The following ANAPC1 variants were observed in gnomAD, a reference collection of about 807,000 sequenced individuals.
ANAPC1 encodes the protein anaphase-promoting complex subunit 1.
In ANAPC1, 36 loss-of-function variants were observed where a neutral mutation model predicts 208.0. That is an observed-to-expected ratio of 0.17 (90% CI 0.13 to 0.23). ANAPC1 has a LOEUF of 0.23. Ranked by LOEUF, ANAPC1 falls within the 10% of genes least tolerant of loss-of-function variation. ANAPC1 has a pLI of 1.00. For missense variants in ANAPC1, 942 were observed against 2,011.6 expected, an observed-to-expected ratio of 0.47 and a Z score of 10.17; for synonymous variants, 378 against 695.2, an observed-to-expected ratio of 0.54 and a Z score of 7.18.
At chr2:111,852,147 C>T (rs1402680374) in intron 13 of ANAPC1, among the ~76,000 whole-genome samples, 2 of 149,272 alleles carry the variant, frequency 1.3e-5, no homozygotes, top group Non-Finnish European at 1.5e-5. Flanking sequence ...CCATGCTATT[C>T]CCTCATTAAT....
At chr2:111,804,380 T>C (rs1430212097) in intron 30 of ANAPC1, among the ~76,000 whole-genome samples, 1 of 101,812 alleles carries the variant, frequency 9.8e-6, no homozygotes, top group African/African-American at 3.8e-5. Context: ...GGGCTATATA[T>C]AAAACACGGC....
chr2:111,853,303 G>C (rs1310568076), intron 13 of ANAPC1, among the ~76,000 whole-genome samples: 1 of 152,182 alleles, frequency 6.6e-6, no homozygotes, highest in East Asian at 1.9e-4. Flanking sequence ...GCTAGTCTCT[G>C]TTATTTGTGT....
chr2:111,840,268 G>T (rs1157417907), intron 17 of ANAPC1, among the ~76,000 whole-genome samples: 1 of 152,056 alleles, frequency 6.6e-6, no homozygotes, highest in Non-Finnish European at 1.5e-5. Flanking sequence ...CATTACATAT[G>T]TGAAAACAAA....
intron 13 of ANAPC1, among the ~76,000 whole-genome samples, chr2:111,854,048 TCA>T (rs1191889985): frequency 6.6e-6 from 1 of 152,134 alleles, no homozygotes; most frequent in African/African-American, 2.4e-5. Context: ...GCCAGATCTC[TCA>T]GAGGAATCAC....
chr2:111,879,319 G>A (rs923176002), intron 2 of ANAPC1, among the ~76,000 whole-genome samples: 4 of 152,212 alleles, frequency 2.6e-5, no homozygotes, highest in African/African-American at 9.7e-5. Flanking sequence ...GGTAGGGAAA[G>A]GACAGTGAGG....
intron 46 of ANAPC1, among the ~76,000 whole-genome samples, chr2:111,773,114 C>T (rs1435910663): frequency 6.6e-6 from 1 of 152,254 alleles, no homozygotes; most frequent in Admixed American, 6.5e-5. Context: ...ACAGGCAGAC[C>T]CAGGCCATTT....
At chr2:111,860,929 T>C (rs1237651035) in intron 10 of ANAPC1, among the ~76,000 whole-genome samples, 1 of 152,150 alleles carries the variant, frequency 6.6e-6, no homozygotes, top group Non-Finnish European at 1.5e-5. Flanking sequence ...TCTAATCTAA[T>C]TCTCTTACCT....
At chr2:111,875,543 C>T (rs1022865783) in intron 3 of ANAPC1, among the ~76,000 whole-genome samples, 40 of 152,184 alleles carry the variant, frequency 2.6e-4, no homozygotes, top group Non-Finnish European at 4.9e-4. Context: ...CAATCTTTTA[C>T]CTGAACAGTC....
Position 111,792,587 on chromosome 2 carries a change from T to A in ANAPC1, c.4519-32A>T, listed in dbSNP as rs777501372. ...GGTGAAGAGATGACATCACTGTAAC[T>A]GTTGTGTTACATTTCTTTATTATCA... On this transcript the variant is annotated intron_variant, in intron 37 of 47. Coordinates refer to ENST00000341068, the MANE Select transcript of ANAPC1 (RefSeq NM_022662.4). 55 of 1,588,986 alleles carry A rather than the reference T, an allele frequency of 3.5e-5. No individual in the cohort carries two copies. The South Asian group carries it at 5.8e-4, about 17-fold the overall frequency.
chr2:111,797,445 CTCTGACA>C (rs1678222024), intron 34 of ANAPC1, among the ~76,000 whole-genome samples: 2 of 149,042 alleles, frequency 1.3e-5, no homozygotes, highest in Non-Finnish European at 3.0e-5. Flanking sequence ...AAACTAAAAT[CTCTGACA>C]TCTGAATATG....
At position 111,777,098 on chromosome 2, in the gene ANAPC1, G is replaced by A. The variant is rs1371193595; in HGVS notation, c.5386-41C>T. ...GGACAACAATCTATTTAATCAAAGA[G>A]TGCTCTGTCTCTTCATCAGAGTTGT... On this transcript the variant is annotated intron_variant, in intron 45 of 47. Coordinates refer to ENST00000341068, the MANE Select transcript of ANAPC1 (RefSeq NM_022662.4). 12 of 484,520 alleles carry A rather than the reference G, an allele frequency of 2.5e-5. No homozygotes were observed. In the East Asian group the frequency reaches 4.5e-4, roughly 18 times the overall value. 30.0% of individuals were successfully genotyped at this position (484,520 alleles called of 1,614,324 possible). A position where few individuals can be genotyped will look rare whatever the true frequency, so the allele number is the denominator to read the frequency against.
At chr2:111,806,898 A>T (rs1263744718) in intron 29 of ANAPC1, among the ~76,000 whole-genome samples, 2 of 128,812 alleles carry the variant, frequency 1.6e-5, no homozygotes, top group African/African-American at 5.8e-5. Context: ...AATGCAATTT[A>T]AAAAAAAAGA....
intron 38 of ANAPC1, among the ~76,000 whole-genome samples, chr2:111,791,144 T>A (rs1460158055): frequency 6.6e-6 from 1 of 151,978 alleles, no homozygotes; most frequent in Non-Finnish European, 1.5e-5. Context: ...AAAAGAGGTT[T>A]TGCAGTTGGC....
rs766216303 is a variant in ANAPC1, at chr2:111,863,821, T to C, written c.906A>G (p.Thr302=). 11 of 1,613,906 alleles carry C rather than the reference T, an allele frequency of 6.8e-6. No homozygotes were observed. The South Asian group carries it at 1.1e-4, about 16-fold the overall frequency. Residue 302 remains threonine (T), a synonymous_variant, in exon 9 of 48, where the codon ACA becomes ACG. Transcript: ENST00000341068. ...CTTTGGAGAGGCTTCTGAGATGTGCTGTGAGGGAGCTGCTAGTGGCCACAT... is the reference window on the plus strand; with the variant it reads ...CTTTGGAGAGGCTTCTGAGATGTGCCGTGAGGGAGCTGCTAGTGGCCACAT... ...PQNVATSSSL[T]AHLRSLSKGD...
chr2:111,795,070 T>C (rs1485606747), intron 34 of ANAPC1, 176 bp from the exon 35 acceptor site: 2 of 504,928 alleles, frequency 4.0e-6, no homozygotes, highest in African/African-American at 1.9e-5. Flanking sequence ...AAATTTCAAA[T>C]CTAAGATGGG....
chr2:111,854,813 A>C (rs1039731565), intron 13 of ANAPC1, among the ~76,000 whole-genome samples: 1 of 152,106 alleles, frequency 6.6e-6, no homozygotes, highest in Admixed American at 6.5e-5. Context: ...GGCTGGTTTG[A>C]TCTTCTGTCC....
chr2:111,794,565 T>G (rs1286581266), intron 35 of ANAPC1, among the ~76,000 whole-genome samples: 1 of 152,176 alleles, frequency 6.6e-6, no homozygotes, highest in Non-Finnish European at 1.5e-5. Context: ...TTAAAATTGT[T>G]GCCAATTTCT....
chr2:111,782,812 T>A lies in ANAPC1; in HGVS notation c.5064-305A>T, dbSNP rs1677357606. On this transcript the variant is annotated intron_variant, in intron 42 of 47. Coordinates refer to ENST00000341068, the MANE Select transcript of ANAPC1 (RefSeq NM_022662.4). ...ATTTCTTTGTATTCCCTATATCCCC[T>A]AGCTCTATGCCTAGGGTACATGAGG... Among the ~76,000 whole-genome samples, 5 of 152,322 alleles carry A rather than the reference T, an allele frequency of 3.3e-5. No individual in the cohort carries two copies. The South Asian group carries it at 8.3e-4, about 25-fold the overall frequency.
intron 11 of ANAPC1, 109 bp from the exon 12 acceptor site, chr2:111,856,995 G>C: frequency 5.3e-6 from 4 of 748,762 alleles, no homozygotes; most frequent in Non-Finnish European, 8.7e-6. Context: ...CATACTGTAT[G>C]AGCCCATTTA....
Sources: allele counts gnomAD v4.1 joint callset (sites outside exome capture counted in the v4.1 genomes callset), GRCh38; gene constraint gnomAD v4.1.1; transcripts MANE v1.5; gene names NCBI Gene and HGNC (gene_info 2026-07-23, HGNC 2026-07-21).